The following ASIC2 variants were observed in gnomAD, a reference collection of about 807,000 sequenced individuals.
ASIC2 encodes acid sensing ion channel subunit 2, also known as acid-sensing ion channel 2.
ASIC2 carries 25 observed loss-of-function variants against 57.3 expected under a neutral mutation model. The observed-to-expected ratio is 0.44, with a 90% confidence interval of 0.32 to 0.61. The LOEUF (loss-of-function observed/expected upper bound fraction) is 0.61. Ranked by LOEUF, ASIC2 falls within the 20% of genes least tolerant of loss-of-function variation. The probability of loss-of-function intolerance (pLI) is 0.06; values close to 1 mark genes in which losing one functional copy is unlikely to be tolerated. For missense variants in ASIC2, 641 were observed against 738.1 expected (o/e 0.87, Z 1.52); for synonymous variants, 319 against 307.5 (o/e 1.04, Z -0.39).
rs142705999 is a variant in ASIC2, at chr17:33,255,779, G to A, written c.708+35629C>T. Among the ~76,000 whole-genome samples, 135 of 152,092 alleles carry A rather than the reference G, an allele frequency of 8.9e-4. 1 individual carries two copies. The South Asian group carries it at 1.0e-2, about 11-fold the overall frequency. ...TTATAATTAATAATATAAGATTTCA[G>A]GCATGTCAAAATGTTATCCTCAAAC... On this transcript the variant is annotated intron_variant, in intron 1 of 9. Coordinates refer to ENST00000225823, the MANE Select transcript of ASIC2 (RefSeq NM_183377.2).
intron 1 of ASIC2, among the ~76,000 whole-genome samples, chr17:34,126,320 T>C (rs761539595): frequency 6.6e-6 from 1 of 152,194 alleles, no homozygotes; most frequent in African/African-American, 2.4e-5. Flanking sequence ...CCCACTCCAC[T>C]GCCTCATACT....
At chr17:33,529,387 C>T (rs145441668) in intron 1 of ASIC2, among the ~76,000 whole-genome samples, 20 of 152,246 alleles carry the variant, frequency 1.3e-4, no homozygotes, top group African/African-American at 4.1e-4. Flanking sequence ...GTACAGAGCG[C>T]GTTTCTTCAT....
At position 34,059,778 on chromosome 17, in the gene ASIC2, C is replaced by T. The variant is rs569503739; in HGVS notation, c.555+96200G>A. Among the ~76,000 whole-genome samples, 11 of 152,190 alleles carry T rather than the reference C, an allele frequency of 7.2e-5. No homozygotes were observed. In the East Asian group the frequency reaches 1.2e-3, roughly 16 times the overall value. ...CAGCAGAGGCAGCCATAATCCTCCC[C>T]GGTACACAACTCCAGTGACCTGGGA... On this transcript the variant is annotated intron_variant, in intron 1 of 9. Transcript: ENST00000359872.
chr17:34,117,708 T>C (rs936140202), intron 1 of ASIC2, among the ~76,000 whole-genome samples: 5 of 152,232 alleles, frequency 3.3e-5, no homozygotes, highest in Admixed American at 2.6e-4. Context: ...TAGATACAAT[T>C]GGCAGGACTG....
rs546232294 is a variant in ASIC2, at chr17:33,140,871, C to A, written c.709-28804G>T. The stretch of plus-strand genomic sequence containing the variant: ...CAGGGCTGCCTCAGTGAATGGGGCT[C>A]CCCTGGGGCACATTCCATCCGGGCC... On this transcript the variant is annotated intron_variant, in intron 1 of 9. Transcript: ENST00000225823. 8.5e-5 allele frequency among the ~76,000 whole-genome samples: 13 copies of A among 152,340 alleles called. No individual in the cohort carries two copies. In the South Asian group the frequency reaches 2.5e-3, roughly 29 times the overall value.
chr17:33,388,114 AC>A (rs1476754299), intron 1 of ASIC2, among the ~76,000 whole-genome samples: 6 of 95,036 alleles, frequency 6.3e-5, no homozygotes, highest in African/African-American at 3.6e-5. Context: ...AAACAAAACA[AC>A]AACAACAAAA....
chr17:33,677,422 T>C (rs1907860489), intron 1 of ASIC2, among the ~76,000 whole-genome samples: 1 of 152,360 alleles, frequency 6.6e-6, no homozygotes, highest in South Asian at 2.1e-4. Flanking sequence ...TTAAGTCTTA[T>C]TATTCAAGAA....
At chr17:33,599,015 C>T (rs1905055900) in intron 1 of ASIC2, among the ~76,000 whole-genome samples, 1 of 152,220 alleles carries the variant, frequency 6.6e-6, no homozygotes, top group South Asian at 2.1e-4. Flanking sequence ...AGGGCTGCGC[C>T]TGTATGCACA....
rs1360493429 is a variant in ASIC2, at chr17:33,464,532, C to CTT, written c.556-352467_556-352466dup. Among the ~76,000 whole-genome samples, 9 of 35,344 alleles carry CTT rather than the reference C, an allele frequency of 2.5e-4. No homozygotes were observed. In the South Asian group the frequency reaches 6.4e-3, roughly 25 times the overall value. The allele number at this position is 35,344 out of a possible 152,430, so 23.2% of individuals were successfully genotyped here. A position where few individuals can be genotyped will look rare whatever the true frequency, so the allele number is the denominator to read the frequency against. On this transcript the variant is annotated intron_variant, in intron 1 of 9. Transcript: ENST00000359872. The stretch of plus-strand genomic sequence containing the variant: ...TCTTTCTTTCTTTCTTTCTTTCTTT[C>CTT]TTTCTTTCTCTTTCTTTCTTTCTTT...
chr17:33,441,501 G>A (rs1056190062), intron 1 of ASIC2, among the ~76,000 whole-genome samples: 8 of 152,188 alleles, frequency 5.3e-5, no homozygotes, highest in African/African-American at 1.7e-4. Flanking sequence ...ATGTGAGGGT[G>A]TAAGTTTATT....
chr17:33,231,977 A>C (rs1908108857), intron 1 of ASIC2, among the ~76,000 whole-genome samples: 1 of 152,182 alleles, frequency 6.6e-6, no homozygotes, highest in Non-Finnish European at 1.5e-5. Flanking sequence ...TATGTTAGAT[A>C]CTTGATCTGT....
At chr17:33,358,011 G>T (rs1908452678) in intron 1 of ASIC2, among the ~76,000 whole-genome samples, 1 of 152,144 alleles carries the variant, frequency 6.6e-6, no homozygotes, top group South Asian at 2.1e-4. Flanking sequence ...AAGTATCCCA[G>T]GTAGTTGTTA....
intron 1 of ASIC2, among the ~76,000 whole-genome samples, chr17:33,558,456 A>T (rs1252495617): frequency 6.6e-6 from 1 of 152,122 alleles, no homozygotes; most frequent in Non-Finnish European, 1.5e-5. Context: ...GTGGAGGAGG[A>T]ATTCTGTGGT....
intron 1 of ASIC2, among the ~76,000 whole-genome samples, chr17:33,237,274 T>C (rs1049620094): frequency 6.6e-6 from 1 of 151,682 alleles, no homozygotes; most frequent in African/African-American, 2.4e-5. Flanking sequence ...GGCTGCAGAA[T>C]GGAGGCCACA....
At chr17:33,303,234 G>A (rs983611818) in intron 1 of ASIC2, among the ~76,000 whole-genome samples, 2 of 152,330 alleles carry the variant, frequency 1.3e-5, no homozygotes, top group South Asian at 2.1e-4. Flanking sequence ...TGGTGGCATA[G>A]TTCAGAGTTT....
chr17:33,715,026 TTC>T (rs1194476169), intron 1 of ASIC2, among the ~76,000 whole-genome samples: 1 of 150,034 alleles, frequency 6.7e-6, no homozygotes, highest in Non-Finnish European at 1.5e-5. Context: ...TGAGTCAGGG[TTC>T]TCTCTCTGTC....
chr17:33,872,323 G>A (rs186176817), intron 1 of ASIC2, among the ~76,000 whole-genome samples: 11 of 152,226 alleles, frequency 7.2e-5, no homozygotes, highest in Admixed American at 2.0e-4. Context: ...CCTGAACCAA[G>A]TGTCAGTCTG....
chr17:33,576,627 A>G (rs990161338), intron 1 of ASIC2, among the ~76,000 whole-genome samples: 1 of 152,244 alleles, frequency 6.6e-6, no homozygotes, highest in Non-Finnish European at 1.5e-5. Flanking sequence ...CCTACCTCAC[A>G]GGGCACCTGT....
intron 1 of ASIC2, among the ~76,000 whole-genome samples, chr17:33,865,785 G>GT (rs1360896399): frequency 2.8e-5 from 2 of 71,142 alleles, no homozygotes; most frequent in East Asian, 2.2e-4. Flanking sequence ...AAAAAAAAAC[G>GT]TTTTTTTATT....
Sources: gnomAD v4.1 joint callset for allele counts (sites outside exome capture counted in the v4.1 genomes callset) on GRCh38, gnomAD v4.1.1 for gene constraint, MANE v1.5 for transcripts, NCBI Gene and HGNC (gene_info 2026-07-23, HGNC 2026-07-21) for gene names.